The following COL14A1 variants were observed in gnomAD, a reference collection of about 807,000 sequenced individuals.
The protein encoded by COL14A1 is collagen type XIV alpha 1 chain.
COL14A1 carries 136 observed loss-of-function variants against 230.3 expected under a neutral mutation model. The ratio of observed to expected loss-of-function variants is 0.59; its 90% CI spans 0.51 to 0.68. The LOEUF (loss-of-function observed/expected upper bound fraction) is 0.68. COL14A1 is among the 30% of genes least tolerant of loss of function. The probability of loss-of-function intolerance (pLI) is 0.00; values close to 1 mark genes in which losing one functional copy is unlikely to be tolerated. For synonymous variants in COL14A1, 792 were observed against 784.1 expected, an observed-to-expected ratio of 1.01 and a Z score of -0.17; for missense variants, 1,976 against 2,215.8, an observed-to-expected ratio of 0.89 and a Z score of 2.17.
At chr8:120,342,999 G>A (rs1822364486) in intron 44 of COL14A1, among the ~76,000 whole-genome samples, 1 of 152,128 alleles carries the variant, frequency 6.6e-6, no homozygotes, top group Non-Finnish European at 1.5e-5. Context: ...CGTTTGATAT[G>A]ATATTATACT....
At chr8:120,348,842 A>C (rs192088463) in intron 45 of COL14A1, among the ~76,000 whole-genome samples, 3 of 152,372 alleles carry the variant, frequency 2.0e-5, no homozygotes, top group Admixed American at 2.0e-4. Context: ...ATGCATATGC[A>C]TGCATGCAAA....
At chr8:120,250,839 G>A (rs1008102114) in intron 22 of COL14A1, 73 bp downstream of exon 22, 9 of 1,538,508 alleles carry the variant, frequency 5.8e-6, no homozygotes, top group African/African-American at 4.1e-5. Flanking sequence ...ATGGAGTCTC[G>A]CTCTGTCGCT....
At chr8:120,254,282 CT>C (rs1819067817) in intron 22 of COL14A1, among the ~76,000 whole-genome samples, 1 of 152,252 alleles carries the variant, frequency 6.6e-6, no homozygotes, top group East Asian at 1.9e-4. Flanking sequence ...GAAACAATAT[CT>C]TATTGCCTCC....
At chr8:120,270,229 C>T in intron 26 of COL14A1, 55 bp downstream of exon 26, 2 of 1,517,166 alleles carry the variant, frequency 1.3e-6, no homozygotes, top group South Asian at 1.2e-5. Flanking sequence ...ATTTCTCCAG[C>T]TCTTATTACA....
chr8:120,330,022 T>A (rs894151494), intron 40 of COL14A1, among the ~76,000 whole-genome samples: 3 of 151,980 alleles, frequency 2.0e-5, no homozygotes, highest in Non-Finnish European at 2.9e-5. Context: ...TGCTCCAGAG[T>A]GAGAAAATAA....
At chr8:120,138,338 T>C (rs1012410823) in intron 1 of COL14A1, among the ~76,000 whole-genome samples, 6 of 152,208 alleles carry the variant, frequency 3.9e-5, no homozygotes, top group African/African-American at 1.4e-4. Context: ...TCTTTATCAT[T>C]CTGAAATGTC....
chr8:120,187,885 T>A (rs1290475403), intron 5 of COL14A1, among the ~76,000 whole-genome samples: 1 of 152,148 alleles, frequency 6.6e-6, no homozygotes, highest in Non-Finnish European at 1.5e-5. Context: ...GCCCTGTGGT[T>A]AAAAACATAG....
intron 13 of COL14A1, 59 bp downstream of exon 13, chr8:120,212,636 AT>A (rs1371101960): frequency 3.8e-6 from 6 of 1,586,698 alleles, no homozygotes; most frequent in Non-Finnish European, 4.3e-6. Flanking sequence ...GAATGTGGGG[AT>A]TCTGAATTGG....
At chr8:120,368,294 C>T (rs1823475746) in intron 46 of COL14A1, among the ~76,000 whole-genome samples, 1 of 152,006 alleles carries the variant, frequency 6.6e-6, no homozygotes, top group South Asian at 2.1e-4. Context: ...ACAGATTTTT[C>T]TTTCCAATCT....
intron 36 of COL14A1, among the ~76,000 whole-genome samples, chr8:120,303,947 T>A (rs1049444485): frequency 3.3e-5 from 5 of 152,104 alleles, no homozygotes; most frequent in Non-Finnish European, 7.4e-5. Flanking sequence ...AGGGAATCAA[T>A]TTCTTTCTGG....
intron 8 of COL14A1, among the ~76,000 whole-genome samples, chr8:120,199,810 C>A (rs1035464836): frequency 2.0e-5 from 3 of 151,582 alleles, no homozygotes; most frequent in Admixed American, 2.0e-4. Context: ...ATATAAAATG[C>A]TGTGAAAAGC....
At chr8:120,209,201 C>T (rs1201165128) in intron 11 of COL14A1, among the ~76,000 whole-genome samples, 1 of 151,970 alleles carries the variant, frequency 6.6e-6, no homozygotes, top group Non-Finnish European at 1.5e-5. Context: ...AAAACCCGAT[C>T]TCTACAAAAA....
At chr8:120,304,288 TG>T (rs1820797191) in intron 36 of COL14A1, among the ~76,000 whole-genome samples, 1 of 152,276 alleles carries the variant, frequency 6.6e-6, no homozygotes, top group Non-Finnish European at 1.5e-5. Context: ...CTGCTAGTTT[TG>T]GGGTTGGTTT....
chr8:120,154,519 T>C (rs1815397350), intron 2 of COL14A1, among the ~76,000 whole-genome samples: 1 of 152,154 alleles, frequency 6.6e-6, no homozygotes, highest in Non-Finnish European at 1.5e-5. Context: ...CGCTCCTCAG[T>C]CTTCCCCCTC....
At chr8:120,319,810 A>G (rs1031075199) in intron 40 of COL14A1, among the ~76,000 whole-genome samples, 2 of 151,660 alleles carry the variant, frequency 1.3e-5, no homozygotes, top group South Asian at 2.1e-4. Flanking sequence ...CTTGCTAGGC[A>G]GCCAGTAGAG....
chr8:120,165,532 C>T (rs1365305243), intron 4 of COL14A1, among the ~76,000 whole-genome samples: 10 of 152,204 alleles, frequency 6.6e-5, no homozygotes, highest in Non-Finnish European at 1.2e-4. Flanking sequence ...GCTTACTTCA[C>T]CACGTAGTAC....
chr8:120,240,194 TC>T (rs1347940500), intron 19 of COL14A1, among the ~76,000 whole-genome samples: 183 of 145,634 alleles, frequency 1.3e-3, no homozygotes, highest in Non-Finnish European at 2.2e-3. Flanking sequence ...TTTTTTTTTT[TC>T]TCTCTCTCTC....
At chr8:120,337,180 C>A (rs1239893016) in intron 42 of COL14A1, among the ~76,000 whole-genome samples, 1 of 152,060 alleles carries the variant, frequency 6.6e-6, no homozygotes, top group Non-Finnish European at 1.5e-5. Context: ...CACCTGAGGT[C>A]AGGAGTTTGA....
chr8:120,159,095 A>G (rs974435380), intron 3 of COL14A1, among the ~76,000 whole-genome samples: 59 of 152,246 alleles, frequency 3.9e-4, no homozygotes, highest in African/African-American at 1.4e-3. Context: ...TACCCACCCC[A>G]TGGAGTTTTC....
Sources: gnomAD v4.1 joint callset for allele counts (sites outside exome capture counted in the v4.1 genomes callset) on GRCh38, gnomAD v4.1.1 for gene constraint, MANE v1.5 for transcripts, NCBI Gene and HGNC (gene_info 2026-07-23, HGNC 2026-07-21) for gene names.